Variants in ERCC8 observed in about 807,000 individuals in gnomAD.
ERCC8 encodes the protein DNA excision repair protein ERCC-8.
Under a neutral mutation model 54.9 loss-of-function variants are expected in ERCC8, and 52 were observed. The observed-to-expected ratio is 0.95, with a 90% CI of 0.76 to 1.19. ERCC8 has a LOEUF of 1.19. Among genes scored for constraint, ERCC8 ranks in the 50% most tolerant of loss-of-function variants. The probability of loss-of-function intolerance (pLI) is 0.00; values close to 1 mark genes in which losing one functional copy is unlikely to be tolerated. For missense variants in ERCC8, 514 were observed against 466.1 expected (o/e 1.10, Z -0.95); for synonymous variants, 146 against 157.2 (o/e 0.93, Z 0.53).
intron 4 of ERCC8, among the ~76,000 whole-genome samples, chr5:60,908,319 G>A (rs558977466): frequency 7.0e-4 from 106 of 151,644 alleles, no homozygotes; most frequent in Non-Finnish European, 1.2e-3. Flanking sequence ...TCTGGATTAG[G>A]GACACTCAGT....
chr5:60,884,759 A>G (rs962064613), intron 11 of ERCC8, among the ~76,000 whole-genome samples: 1 of 152,072 alleles, frequency 6.6e-6, no homozygotes, highest in African/African-American at 2.4e-5. Context: ...TTTTATGGAA[A>G]TTACTTTAGC....
Position 60,867,018 on chromosome 5 carries a change from A to T in ERCC8, c.*7597T>A, listed in dbSNP as rs1168630087. The T allele has an allele frequency of 1.3e-5, 2 of 151,114 alleles. No homozygotes were observed. Among genetic ancestry groups the T allele is most frequent in the Non-Finnish European group, 2.9e-5 (2 of 67,818 alleles). The allele number at this position is 151,114 out of a possible 1,614,324, so 9.4% of individuals were successfully genotyped here. ...CGCCTAATTTTTTTTTTGTATTTTT[A>T]GTAAAGACGGGGTTTCACCATGTTA... On this transcript the variant is annotated 3_prime_UTR_variant, in exon 12 of 12. Coordinates refer to ENST00000676185, the MANE Select transcript of ERCC8 (RefSeq NM_000082.4).
At chr5:60,897,282 G>A (rs1748749209) in intron 9 of ERCC8, among the ~76,000 whole-genome samples, 2 of 152,020 alleles carry the variant, frequency 1.3e-5, no homozygotes, top group Non-Finnish European at 2.9e-5. Flanking sequence ...TCCTTTCTTT[G>A]CTTTGCTTTT....
intron 7 of ERCC8, 100 bp downstream of exon 7, chr5:60,902,339 TTAA>T (rs1748925363): frequency 1.2e-6 from 1 of 850,292 alleles, no homozygotes; most frequent in Non-Finnish European, 1.9e-6. Context: ...AAGGAGTGAA[TTAA>T]TAATTAAATA....
At chr5:60,876,535 G>A (rs1006872995) in intron 11 of ERCC8, among the ~76,000 whole-genome samples, 22 of 152,164 alleles carry the variant, frequency 1.4e-4, no homozygotes, top group African/African-American at 5.1e-4. Context: ...ATCCTCTCCA[G>A]CACCTGTTGT....
chr5:60,911,727 T>A (rs1289445349), intron 4 of ERCC8, among the ~76,000 whole-genome samples: 1 of 151,444 alleles, frequency 6.6e-6, no homozygotes, highest in East Asian at 2.0e-4. Flanking sequence ...GTTTTAGGTC[T>A]AACATTTAAG....
chr5:60,891,242 G>C (rs1190991791), intron 9 of ERCC8, among the ~76,000 whole-genome samples, 156 bp from the exon 10 acceptor site: 1 of 151,984 alleles, frequency 6.6e-6, no homozygotes, highest in African/African-American at 2.4e-5. Context: ...CCAATGACAT[G>C]AATGTACATT....
intron 11 of ERCC8, among the ~76,000 whole-genome samples, chr5:60,886,710 A>AAAAATC (rs1343834291): frequency 8.1e-6 from 1 of 123,032 alleles, no homozygotes; most frequent in African/African-American, 3.0e-5. Context: ...TCAAAAAAAT[A>AAAAATC]AAAATAAAAA....
chr5:60,868,448 G>C lies in ERCC8; in HGVS notation c.*6167C>G, dbSNP rs1228566617. ...GCACCTGAAAAGTCCTACACACAGAGAACTAAGAGAGGTCGCAACATAGTT... is the reference window on the plus strand; with the variant it reads ...GCACCTGAAAAGTCCTACACACAGACAACTAAGAGAGGTCGCAACATAGTT... On this transcript the variant is annotated 3_prime_UTR_variant, in exon 12 of 12. Transcript: ENST00000676185. Among the ~76,000 whole-genome samples the C allele has an allele frequency of 6.6e-6, 1 of 152,114 alleles. No individual in the cohort carries two copies. The highest frequency in any genetic ancestry group is 1.5e-5 in the Non-Finnish European group (1 of 68,014).
At chr5:60,928,472 T>C (rs1206636510) in intron 2 of ERCC8, among the ~76,000 whole-genome samples, 1 of 152,202 alleles carries the variant, frequency 6.6e-6, no homozygotes, top group Non-Finnish European at 1.5e-5. Flanking sequence ...AATTCTTATT[T>C]GTTTCTAATC....
chr5:60,874,699 A>G lies in ERCC8; in HGVS notation c.1123-16T>C. 6.3e-7 allele frequency: 1 copy of G among 1,583,302 alleles called. No homozygotes were observed. Among genetic ancestry groups the G allele is most frequent in the Non-Finnish European group, 8.6e-7 (1 of 1,163,070 alleles). ...TTGTTGTAGTCTAAAAAAAAAAAAG[A>G]TAAAGAAAAAGGAAGATTCTGTTTT... On this transcript the variant is annotated splice_polypyrimidine_tract_variant and intron_variant, in intron 11 of 11. Coordinates refer to ENST00000676185, the MANE Select transcript of ERCC8 (RefSeq NM_000082.4).
At chr5:60,878,414 T>A (rs1748086231) in intron 11 of ERCC8, among the ~76,000 whole-genome samples, 1 of 152,218 alleles carries the variant, frequency 6.6e-6, no homozygotes, top group African/African-American at 2.4e-5. Context: ...TTCCCTCTTT[T>A]TCTATTGATT....
chr5:60,918,272 G>T lies in ERCC8; in HGVS notation c.392C>A (p.Thr131Lys), dbSNP rs761386858. 7 of 1,595,252 alleles carry T rather than the reference G, an allele frequency of 4.4e-6. No homozygotes were observed. Among genetic ancestry groups the T allele is most frequent in the Non-Finnish European group, 6.0e-6 (7 of 1,163,760 alleles). Reference sequence around the variant, plus strand: ...ATGTTTTAATGTACTTACTTGTAATGTATTTGTATCCCATACTTTCAGAGT... The same window carrying T: ...ATGTTTTAATGTACTTACTTGTAATTTATTTGTATCCCATACTTTCAGAGT... The part of the protein sequence containing the change: ...DKTLKVWDTN[T>K]LQTADVFNFE... Residue 131 changes from threonine (T) to lysine (K), a missense_variant, in exon 4 of 12, where the codon ACA becomes AAA. Thr to Lys is a moderately conservative substitution (Grantham distance 78). Coordinates refer to ENST00000676185, the MANE Select transcript of ERCC8 (RefSeq NM_000082.4).
chr5:60,902,753 A>C (rs1748940259), intron 6 of ERCC8, among the ~76,000 whole-genome samples: 2 of 152,028 alleles, frequency 1.3e-5, no homozygotes. Context: ...AGAGTTAAGT[A>C]AGTCTTTCTT....
At position 60,937,971 on chromosome 5, in the gene ERCC8, C is replaced by T. The variant is rs1750117024; in HGVS notation, c.77+6961G>A. Among the ~76,000 whole-genome samples the T allele has an allele frequency of 2.0e-5, 3 of 148,496 alleles. 1 individual carries two copies. The South Asian group carries it at 6.4e-4, about 32-fold the overall frequency. On this transcript the variant is annotated intron_variant, in intron 1 of 11. Coordinates refer to ENST00000676185, the MANE Select transcript of ERCC8 (RefSeq NM_000082.4). ...CCTCTGTTTTAGTGTCTTAAGATGG[C>T]TACATATTCTTTTTGTTCAATGAGT...
intron 4 of ERCC8, among the ~76,000 whole-genome samples, chr5:60,913,974 G>T (rs973429735): frequency 6.6e-6 from 1 of 152,078 alleles, no homozygotes; most frequent in African/African-American, 2.4e-5. Context: ...TGTGATTTGT[G>T]TTCTTTTACA....
chr5:60,918,403 T>A lies in ERCC8; in HGVS notation c.276-15A>T. On this transcript the variant is annotated splice_polypyrimidine_tract_variant and intron_variant, in intron 3 of 11. Coordinates refer to ENST00000676185, the MANE Select transcript of ERCC8 (RefSeq NM_000082.4). ...CAGGATGATCTCTACAAAACAGCAA[T>A]CAAAATTTACATTAACTGACTTATG... 1 of 1,606,874 alleles carries A rather than the reference T, an allele frequency of 6.2e-7. No homozygotes were observed. Among genetic ancestry groups the A allele is most frequent in the Non-Finnish European group, 8.5e-7 (1 of 1,176,080 alleles).
intron 4 of ERCC8, among the ~76,000 whole-genome samples, chr5:60,912,207 A>T (rs1749288709): frequency 6.6e-6 from 1 of 152,106 alleles, no homozygotes; most frequent in Admixed American, 6.5e-5. Flanking sequence ...CACGATATTG[A>T]TTCTTCCTAT....
intron 2 of ERCC8, among the ~76,000 whole-genome samples, chr5:60,926,274 C>A (rs994373997): frequency 6.6e-6 from 1 of 152,126 alleles, no homozygotes; most frequent in Non-Finnish European, 1.5e-5. Context: ...GGAGCTTGTA[C>A]CAGAAACAAA....
Sources: allele counts gnomAD v4.1 joint callset (sites outside exome capture counted in the v4.1 genomes callset), GRCh38; gene constraint gnomAD v4.1.1; transcripts MANE v1.5; gene names NCBI Gene and HGNC (gene_info 2026-07-23, HGNC 2026-07-21).